NR3C2: variants seen among roughly 807,000 people sequenced by gnomAD.
NR3C2 encodes the protein mineralocorticoid receptor.
A neutral mutation model predicts 86.4 loss-of-function variants in NR3C2; 15 were observed. The ratio of observed to expected loss-of-function variants is 0.17; its 90% confidence interval spans 0.12 to 0.27. NR3C2 has a LOEUF of 0.27. NR3C2 is among the 10% of genes least tolerant of loss of function. NR3C2 has a pLI of 1.00. For missense variants in NR3C2, 960 were observed against 1,195.6 expected (o/e 0.80, Z 2.91); for synonymous variants, 458 against 450.5 (o/e 1.02, Z -0.21).
chr4:148,362,385 A>G (rs1212990670), intron 2 of NR3C2, among the ~76,000 whole-genome samples: 4 of 152,226 alleles, frequency 2.6e-5, no homozygotes, highest in Non-Finnish European at 4.4e-5. Flanking sequence ...CCTTGATCTG[A>G]TCACTATATG....
chr4:148,104,341 G>GTTT (rs1553985370), intron 8 of NR3C2, among the ~76,000 whole-genome samples: 1 of 122,346 alleles, frequency 8.2e-6, no homozygotes, highest in African/African-American at 3.6e-5. Flanking sequence ...GTTTTGGTTT[G>GTTT]GTTTTTTTTT....
intron 3 of NR3C2, among the ~76,000 whole-genome samples, chr4:148,230,928 T>C (rs769326655): frequency 6.6e-6 from 1 of 152,210 alleles, no homozygotes; most frequent in Non-Finnish European, 1.5e-5. Context: ...AATTTAAGTA[T>C]CGATTACTGA....
chr4:148,197,541 GA>G (rs886996041), intron 3 of NR3C2, among the ~76,000 whole-genome samples: 1 of 151,924 alleles, frequency 6.6e-6, no homozygotes, highest in Non-Finnish European at 1.5e-5. Flanking sequence ...ATACAGAATG[GA>G]AAAAAATGGC....
chr4:148,182,927 G>C (rs1046604140), intron 4 of NR3C2, among the ~76,000 whole-genome samples: 1 of 152,052 alleles, frequency 6.6e-6, no homozygotes, highest in Non-Finnish European at 1.5e-5. Flanking sequence ...CCATCAACTC[G>C]TCATATACAT....
intron 6 of NR3C2, among the ~76,000 whole-genome samples, chr4:148,148,102 A>G (rs1392250528): frequency 6.6e-6 from 1 of 152,184 alleles, no homozygotes; most frequent in Non-Finnish European, 1.5e-5. Context: ...CTTCAAAGGC[A>G]AGTCAATCTT....
At chr4:148,086,682 C>T (rs1730829130) in intron 8 of NR3C2, among the ~76,000 whole-genome samples, 1 of 152,194 alleles carries the variant, frequency 6.6e-6, no homozygotes, top group Admixed American at 6.5e-5. Flanking sequence ...GTGGAGGTTG[C>T]AGTGAGCCAA....
At chr4:148,266,717 G>C (rs1044880159) in intron 2 of NR3C2, among the ~76,000 whole-genome samples, 1 of 152,196 alleles carries the variant, frequency 6.6e-6, no homozygotes, top group Non-Finnish European at 1.5e-5. Flanking sequence ...TACTGTGACT[G>C]TTGGGTGGAG....
At chr4:148,139,684 A>G (rs972413497) in intron 6 of NR3C2, among the ~76,000 whole-genome samples, 1 of 152,312 alleles carries the variant, frequency 6.6e-6, no homozygotes, top group Middle Eastern at 3.4e-3. Context: ...CTGCAGCTCC[A>G]CTGATCCAAG....
intron 2 of NR3C2, among the ~76,000 whole-genome samples, chr4:148,283,213 G>A (rs184596792): frequency 1.3e-5 from 2 of 152,314 alleles, no homozygotes; most frequent in Admixed American, 1.3e-4. Context: ...TTGCCTAAGA[G>A]TGGGGTCAGG....
chr4:148,382,387 G>T (rs1452337099), intron 2 of NR3C2, among the ~76,000 whole-genome samples: 1 of 152,156 alleles, frequency 6.6e-6, no homozygotes, highest in African/African-American at 2.4e-5. Context: ...CACTTACTAT[G>T]TAACAGCTGT....
At chr4:148,430,520 A>C (rs1749752423) in intron 2 of NR3C2, among the ~76,000 whole-genome samples, 1 of 152,200 alleles carries the variant, frequency 6.6e-6, no homozygotes, top group East Asian at 1.9e-4. Context: ...AAAATATTTA[A>C]AATATTTACC....
intron 1 of NR3C2, among the ~76,000 whole-genome samples, chr4:148,439,385 A>C (rs1488825214): frequency 2.6e-5 from 4 of 151,956 alleles, no homozygotes; most frequent in African/African-American, 7.3e-5. Context: ...CTCTCCCCCC[A>C]CACACCCCCA....
Position 148,079,332 on chromosome 4 carries a change from CCTCT to C in NR3C2, c.*2008_*2011del, listed in dbSNP as rs1402210161. The C allele has an allele frequency of 2.6e-5, 4 of 152,136 alleles. No homozygotes were observed. Among genetic ancestry groups the C allele is most frequent in the South Asian group, 2.1e-4 (1 of 4,828 alleles). 9.4% of individuals were successfully genotyped at this position (152,136 alleles called of 1,614,324 possible). Reference sequence around the variant, plus strand: ...GCAAATTATGTAAGAAAAACTCCTCCCTCTGAGTGCAGCTTTCACAGGTTTCCCC... The same window carrying C: ...GCAAATTATGTAAGAAAAACTCCTCCGAGTGCAGCTTTCACAGGTTTCCCC... On this transcript the variant is annotated 3_prime_UTR_variant, in exon 9 of 9. Coordinates refer to ENST00000358102, the MANE Select transcript of NR3C2 (RefSeq NM_000901.5).
chr4:148,329,366 A>G (rs1336831005), intron 2 of NR3C2, among the ~76,000 whole-genome samples: 1 of 152,246 alleles, frequency 6.6e-6, no homozygotes, highest in Non-Finnish European at 1.5e-5. Context: ...ACATATATAT[A>G]CACAATGCAC....
At chr4:148,149,359 GT>G (rs1734007382) in intron 6 of NR3C2, among the ~76,000 whole-genome samples, 1 of 146,712 alleles carries the variant, frequency 6.8e-6, no homozygotes. Context: ...CTTTTTTTTT[GT>G]TTCTTATTTA....
chr4:148,259,972 A>G lies in NR3C2; in HGVS notation c.1897+6T>C. ...ATGTAAAAGGAACACCCACATGAAC[A>G]TTTACCTTCCACTGCTCTTTTGAAG... On this transcript the variant is annotated splice_donor_region_variant and intron_variant, in intron 3 of 8. Transcript: ENST00000358102. The G allele has an allele frequency of 6.2e-7, 1 of 1,614,080 alleles. No homozygotes were observed. The highest frequency in any genetic ancestry group is 8.5e-7 in the Non-Finnish European group (1 of 1,179,980).
At chr4:148,295,611 T>A (rs528225285) in intron 2 of NR3C2, among the ~76,000 whole-genome samples, 1 of 150,932 alleles carries the variant, frequency 6.6e-6, no homozygotes, top group Admixed American at 6.6e-5. Context: ...CCTCTCCACA[T>A]GCCCATCTCT....
chr4:148,394,385 C>CA (rs1407265948), intron 2 of NR3C2, among the ~76,000 whole-genome samples: 6 of 148,334 alleles, frequency 4.0e-5, no homozygotes, highest in African/African-American at 1.0e-4. Flanking sequence ...AAAAAAAAAA[C>CA]AAAAAACAAA....
chr4:148,308,266 C>T (rs1240956908), intron 2 of NR3C2, among the ~76,000 whole-genome samples: 1 of 151,964 alleles, frequency 6.6e-6, no homozygotes, highest in East Asian at 1.9e-4. Context: ...CAGCAGCGTC[C>T]GTATTAAGAT....
Sources: gnomAD v4.1 joint callset for allele counts (sites outside exome capture counted in the v4.1 genomes callset) on GRCh38, gnomAD v4.1.1 for gene constraint, MANE v1.5 for transcripts, NCBI Gene and HGNC (gene_info 2026-07-23, HGNC 2026-07-21) for gene names.